The following ANKRD35 variants were observed in gnomAD, a reference collection of about 807,000 sequenced individuals.
ANKRD35 encodes ankyrin repeat domain 35, also known as ankyrin repeat domain-containing protein 35.
A neutral mutation model predicts 109.9 loss-of-function variants in ANKRD35; 102 were observed. The observed-to-expected ratio is 0.93, with a 90% confidence interval of 0.79 to 1.09. The LOEUF (loss-of-function observed/expected upper bound fraction) is 1.09. Among genes scored for constraint, ANKRD35 ranks in the 50% least tolerant of loss-of-function variants. The pLI, the probability that ANKRD35 is intolerant of heterozygous loss-of-function variation, is 0.00. For missense variants in ANKRD35, 1,240 were observed against 1,230.1 expected (o/e 1.01, Z -0.12); for synonymous variants, 515 against 512.4 (o/e 1.01, Z -0.07).
intron 8 of ANKRD35, 58 bp from the exon 9 acceptor site, chr1:145,874,250 C>G (rs1653976546): frequency 1.4e-5 from 22 of 1,575,102 alleles, no homozygotes; most frequent in Admixed American, 8.3e-5. Context: ...TACTTCCAGC[C>G]CACATTCTTA....
chr1:145,885,783 T>A lies in ANKRD35; in HGVS notation c.-25A>T, dbSNP rs782442558. 6.3e-7 allele frequency: 1 copy of A among 1,580,354 alleles called. No homozygotes were observed. Among genetic ancestry groups the A allele is most frequent in the Admixed American group, 1.7e-5 (1 of 59,886 alleles). On this transcript the variant is annotated 5_prime_UTR_variant, in exon 1 of 14. Coordinates refer to ENST00000355594, the MANE Select transcript of ANKRD35 (RefSeq NM_144698.5). ...TGGCCGGGGTCGGGGCCACGGGGGA[T>A]GGGGACGCGCAGAGAGCCGGGCCAC...
At chr1:145,882,023 C>A (rs769186748) in intron 1 of ANKRD35, among the ~76,000 whole-genome samples, 1 of 129,984 alleles carries the variant, frequency 7.7e-6, no homozygotes, top group Non-Finnish European at 1.6e-5. Flanking sequence ...GGCGTGGTCT[C>A]GGCTCACTGC....
chr1:145,873,592 C>T lies in ANKRD35; in HGVS notation c.1177G>A (p.Ala393Thr), dbSNP rs200699485. ...GGAGCTAATACTGGATTTACTGTGG[C>T]TGCTGCCTGCTGCTGCTTCTTTAGC... ...QELKKQQQAAATVNPVLAPKK... is the reference protein window; with the variant it reads ...QELKKQQQAATTVNPVLAPKK... Residue 393 changes from alanine (A) to threonine (T), a missense_variant, in exon 10 of 14, where the codon GCC (alanine) becomes ACC (threonine). Coordinates refer to ENST00000355594, the MANE Select transcript of ANKRD35 (RefSeq NM_144698.5). 3 of 1,614,030 alleles carry T rather than the reference C, an allele frequency of 1.9e-6. No individual in the cohort carries two copies. Among genetic ancestry groups the T allele is most frequent in the East Asian group, 2.2e-5 (1 of 44,878 alleles).
In ANKRD35 at chr1:145,872,968, C is replaced by T. The variant is rs1653899977; in HGVS notation, c.1801G>A (p.Gly601Arg). 6.2e-7 allele frequency: 1 copy of T among 1,609,854 alleles called. No individual in the cohort carries two copies. The highest frequency in any genetic ancestry group is 8.5e-7 in the Non-Finnish European group (1 of 1,177,948). The change falls in exon 10 of 14, where the codon GGG (glycine) becomes AGG (arginine). Residue 601 changes from glycine to arginine, a missense_variant. By Grantham distance (125) the Gly-to-Arg change is moderately radical. Transcript: ENST00000355594. ...AQGEPLGALG[G>R]EKALGGLAKG... is the part of the protein sequence containing the mutation. ...GCCAGGCCTCCTAGGGCCTTTTCCC[C>T]TCCAAGGGCCCCTAGAGGCTCTCCT...
At position 145,872,466 on chromosome 1, in the gene ANKRD35, C is replaced by T. The variant is rs782743685; in HGVS notation, c.2303G>A (p.Gly768Asp). 5 of 1,601,950 alleles carry T rather than the reference C, an allele frequency of 3.1e-6. No individual in the cohort carries two copies. The highest frequency in any genetic ancestry group is 4.3e-6 in the Non-Finnish European group (5 of 1,175,002). Residue 768 changes from glycine to aspartate, a missense_variant, in exon 10 of 14, where the codon GGC becomes GAC. Gly to Asp is a moderately conservative substitution (Grantham distance 94). Coordinates refer to ENST00000355594, the MANE Select transcript of ANKRD35 (RefSeq NM_144698.5). ...RGSLSPCREP[G>D]TSLKAPASPQ... ...GGATGCTGGGGCCTTTAAGGAGGTG[C>T]CTGGCTCCCTACACGGGGACAAGGA...
intron 10 of ANKRD35, among the ~76,000 whole-genome samples, chr1:145,871,468 ATTT>A (rs1351267576): frequency 6.6e-6 from 1 of 151,812 alleles, no homozygotes; most frequent in African/African-American, 2.4e-5. Context: ...CGGCCTCAAG[ATTT>A]TTTTCTTTGC....
rs782612801 is a variant in ANKRD35, at chr1:145,872,639, T to TGCGG, written c.2126_2129dup (p.Asp711ArgfsTer56). The TGCGG allele has an allele frequency of 6.2e-7, 1 of 1,613,954 alleles. No homozygotes were observed. Among genetic ancestry groups the TGCGG allele is most frequent in the African/African-American group, 1.3e-5 (1 of 74,934 alleles). On this transcript the variant is annotated frameshift_variant, in exon 10 of 14. Coordinates refer to ENST00000355594, the MANE Select transcript of ANKRD35 (RefSeq NM_144698.5). LOFTEE classifies it high-confidence loss of function. ...GTGCACTCCTCTCGCCCACTAGGTC[T>TGCGG]GCGGGCAGGCAGTCCCACAGCCCTC...
At chr1:145,885,690 C>T (rs782709173) in intron 1 of ANKRD35, 30 bp downstream of exon 1, 3 of 1,612,444 alleles carry the variant, frequency 1.9e-6, no homozygotes, top group Non-Finnish European at 1.7e-6. Context: ...GGGATCCCAA[C>T]CCCATCCTCC....
chr1:145,876,222 C>A lies in ANKRD35; in HGVS notation c.478G>T (p.Ala160Ser). The change falls in exon 7 of 14, where the codon GCA (alanine) becomes TCA (serine). Residue 160 changes from alanine to serine, a missense_variant. Coordinates refer to ENST00000355594, the MANE Select transcript of ANKRD35 (RefSeq NM_144698.5). ...DNDGRTPLMIASLGGHAAICS... is the reference protein window; with the variant it reads ...DNDGRTPLMISSLGGHAAICS... ...ATAGCTGCGTGCCCACCCAGCGATG[C>A]GATCATCAGGGGTGTACGTCCATCC... 6.2e-7 allele frequency: 1 copy of A among 1,613,766 alleles called. No homozygotes were observed.
Position 145,876,167 on chromosome 1 carries a change from C to G in ANKRD35, c.533G>C (p.Arg178Pro), listed in dbSNP as rs370459651. 6.2e-7 allele frequency: 1 copy of G among 1,613,944 alleles called. No homozygotes were observed. Among genetic ancestry groups the G allele is most frequent in the South Asian group, 1.1e-5 (1 of 91,022 alleles). Residue 178 changes from arginine (R) to proline (P), a missense_variant, in exon 7 of 14, where the codon CGA becomes CCA. Arg to Pro is a moderately radical substitution (Grantham distance 103, BLOSUM62 -2). Transcript: ENST00000355594. ...GTCATTCTTGTCTGTAACATTAACT[C>G]GGGCGCCTCGCTGCAGCAGCTGTGA... ...ICSQLLQRGA[R>P]VNVTDKNDKS...
Position 145,872,033 on chromosome 1 carries a change from C to A in ANKRD35, c.2736G>T (p.Leu912=), listed in dbSNP as rs782758927. The change falls in exon 10 of 14, where the codon CTG becomes CTT. Residue 912 remains leucine (L), a synonymous_variant. Transcript: ENST00000355594. Reference sequence around the variant, plus strand: ...CAATGAGATGCTCCATCTTCTCTTTCAGCAGCTCTGCCGTTTTCTCAAACT... The same window carrying A: ...CAATGAGATGCTCCATCTTCTCTTTAAGCAGCTCTGCCGTTTTCTCAAACT... The part of the protein sequence containing the change: ...SEQFEKTAEL[L]KEKMEHLIGA... 1 of 1,613,526 alleles carries A rather than the reference C, an allele frequency of 6.2e-7. No homozygotes were observed. The highest frequency in any genetic ancestry group is 8.5e-7 in the Non-Finnish European group (1 of 1,179,982).
At chr1:145,870,656 T>A (rs1653776377) in intron 10 of ANKRD35, among the ~76,000 whole-genome samples, 2 of 152,336 alleles carry the variant, frequency 1.3e-5, no homozygotes, top group South Asian at 2.1e-4. Flanking sequence ...CTATTCTGGA[T>A]AACATTCCTT....
rs1371600387 is a variant in ANKRD35 at position 145,877,896 on chromosome 1, A to G, written c.324+72T>C. 5 of 1,455,222 alleles carry G rather than the reference A, an allele frequency of 3.4e-6. No individual in the cohort carries two copies. In the African/African-American group the frequency reaches 5.6e-5, roughly 16 times the overall value. 90.1% of individuals were successfully genotyped at this position (1,455,222 alleles called of 1,614,324 possible). ...ATTTGGCCAACTATTCCTTTTAAGT[A>G]TGAAATGAAGTTAGAAAACTCTGGG... On this transcript the variant is annotated intron_variant, in intron 4 of 13. Transcript: ENST00000355594.
rs1553738914 is a variant in ANKRD35 at position 145,872,404 on chromosome 1, G to A, written c.2365C>T (p.Leu789=). 1 of 1,613,122 alleles carries A rather than the reference G, an allele frequency of 6.2e-7. No individual in the cohort carries two copies. Among genetic ancestry groups the A allele is most frequent in the Non-Finnish European group, 8.5e-7 (1 of 1,179,736 alleles). Residue 789 remains leucine (L), a synonymous_variant, in exon 10 of 14, where the codon CTG becomes TTG. Coordinates refer to ENST00000355594, the MANE Select transcript of ANKRD35 (RefSeq NM_144698.5). Reference sequence around the variant, plus strand: ...TGAACTGCCCGCAGCTCTTCCTCCAGCTTCCCCAGGTCTTGCTCCAGAGCG... The same window carrying A: ...TGAACTGCCCGCAGCTCTTCCTCCAACTTCCCCAGGTCTTGCTCCAGAGCG... ...VAALEQDLGK[L]EEELRAVQAT...
At chr1:145,868,146 G>A in intron 11 of ANKRD35, 90 bp from the exon 12 acceptor site, 2 of 1,502,002 alleles carry the variant, frequency 1.3e-6, no homozygotes, top group Non-Finnish European at 1.9e-6. Context: ...GCAGTACCAG[G>A]TGGGCTCGTT....
intron 10 of ANKRD35, among the ~76,000 whole-genome samples, chr1:145,868,846 A>G (rs1653700190): frequency 6.6e-6 from 1 of 152,230 alleles, no homozygotes; most frequent in African/African-American, 2.4e-5. Context: ...CCTTGATTCA[A>G]TTTGTGACCT....
rs11801520 is a variant in ANKRD35 at position 145,876,516 on chromosome 1, C to G, written c.453+53G>C. The G allele has an allele frequency of 8.5e-3, 13,644 of 1,608,464 alleles. 989 individuals carry two copies. In the African/African-American group the frequency reaches 0.16, roughly 18 times the overall value. ...GAAGTTGGCCAGTCAAGCTGAGAGA[C>G]AGCAGCAGCCCTTCTGTGTAGGACA... On this transcript the variant is annotated intron_variant, in intron 6 of 13. Coordinates refer to ENST00000355594, the MANE Select transcript of ANKRD35 (RefSeq NM_144698.5).
At chr1:145,879,132 C>A (rs895277000) in intron 2 of ANKRD35, 126 bp downstream of exon 2, 1 of 1,241,192 alleles carries the variant, frequency 8.1e-7, no homozygotes, top group African/African-American at 1.6e-5. Flanking sequence ...TATTGATATA[C>A]TTGCTAATTA....
In ANKRD35 at chr1:145,873,608, C is replaced by A; in HGVS notation, c.1161G>T (p.Lys387Asn). 6.2e-7 allele frequency: 1 copy of A among 1,614,070 alleles called. No homozygotes were observed. Among genetic ancestry groups the A allele is most frequent in the Non-Finnish European group, 8.5e-7 (1 of 1,180,024 alleles). The change falls in exon 10 of 14, where the codon AAG becomes AAT. Residue 387 changes from lysine to asparagine, a missense_variant. Physicochemically the swap from Lys to Asn is moderately conservative, Grantham distance 94. Coordinates refer to ENST00000355594, the MANE Select transcript of ANKRD35 (RefSeq NM_144698.5). ...TTACTGTGGCTGCTGCCTGCTGCTG[C>A]TTCTTTAGCTCTTGTGTACTCTCAG... ...LLAESTQELKKQQQAAATVNP... is the reference protein window; with the variant it reads ...LLAESTQELKNQQQAAATVNP...
Sources: gnomAD v4.1 joint callset for allele counts (sites outside exome capture counted in the v4.1 genomes callset) on GRCh38, gnomAD v4.1.1 for gene constraint, MANE v1.5 for transcripts, NCBI Gene and HGNC (gene_info 2026-07-23, HGNC 2026-07-21) for gene names.